The following ADGRL3 variants were observed in gnomAD, a reference collection of about 807,000 sequenced individuals.
ADGRL3 encodes the protein calcium-independent alpha-latrotoxin receptor 3.
Under a neutral mutation model 153.5 loss-of-function variants are expected in ADGRL3, and 62 were observed. The ratio of observed to expected loss-of-function variants is 0.40; its 90% CI spans 0.33 to 0.50. ADGRL3 has a LOEUF of 0.50. ADGRL3 is among the 20% of genes least tolerant of loss of function. The probability of loss-of-function intolerance (pLI) is 0.47; values close to 1 mark genes in which losing one functional copy is unlikely to be tolerated. For missense variants in ADGRL3, 1,641 were observed against 1,859.4 expected (o/e 0.88, Z 2.16); for synonymous variants, 710 against 672.5 (o/e 1.06, Z -0.86).
At chr4:61,914,382 A>C (rs2098735939) in intron 13 of ADGRL3, among the ~76,000 whole-genome samples, 1 of 152,114 alleles carries the variant, frequency 6.6e-6, no homozygotes, top group African/African-American at 2.4e-5. Flanking sequence ...CAAACATACA[A>C]ATTTATTTTA....
chr4:61,990,087 T>G (rs926696354), intron 19 of ADGRL3, among the ~76,000 whole-genome samples: 6 of 152,048 alleles, frequency 3.9e-5, no homozygotes. Context: ...TTAAAACTTG[T>G]ATGCAAGAGT....
intron 8 of ADGRL3, among the ~76,000 whole-genome samples, chr4:61,788,715 G>A (rs555221013): frequency 1.1e-3 from 173 of 152,286 alleles, no homozygotes; most frequent in Non-Finnish European, 2.0e-3. Flanking sequence ...AAAGAATTTA[G>A]GAGGCTGATT....
intron 2 of ADGRL3, among the ~76,000 whole-genome samples, chr4:61,418,572 G>A (rs2097169790): frequency 6.6e-6 from 1 of 150,648 alleles, no homozygotes; most frequent in Non-Finnish European, 1.5e-5. Context: ...CTCACTAAGA[G>A]CTTTGTTCTT....
At chr4:61,549,587 T>A (rs1387824058) in intron 4 of ADGRL3, among the ~76,000 whole-genome samples, 1 of 151,624 alleles carries the variant, frequency 6.6e-6, no homozygotes, top group Non-Finnish European at 1.5e-5. Context: ...CTATTTCAAT[T>A]CTCTGTGGAA....
chr4:61,785,194 A>G (rs1049094345), intron 8 of ADGRL3, among the ~76,000 whole-genome samples: 2 of 152,190 alleles, frequency 1.3e-5, no homozygotes, highest in Non-Finnish European at 2.9e-5. Flanking sequence ...GAAGCTTTGG[A>G]AGAGAAAGTA....
rs1255770494 is a variant in ADGRL3 at position 61,801,871 on chromosome 4, G to A, written c.1400-11938G>A. Among the ~76,000 whole-genome samples, 12 of 152,178 alleles carry A rather than the reference G, an allele frequency of 7.9e-5. No individual in the cohort carries two copies. The South Asian group carries it at 2.5e-3, about 32-fold the overall frequency. ...AATGAATATGCTCCTTAATGCTTTAGTAATTTCATGTTCTCTGCATATATG... is the reference window on the plus strand; with the variant it reads ...AATGAATATGCTCCTTAATGCTTTAATAATTTCATGTTCTCTGCATATATG... On this transcript the variant is annotated intron_variant, in intron 8 of 26. Coordinates refer to ENST00000683033, the MANE Select transcript of ADGRL3 (RefSeq NM_001387552.1).
intron 1 of ADGRL3, among the ~76,000 whole-genome samples, chr4:61,253,704 CACACACACAT>C: frequency 7.1e-6 from 1 of 141,452 alleles, no homozygotes; most frequent in East Asian, 2.2e-4. Context: ...CACACACACA[CACACACACAT>C]ATATACATAT....
At chr4:61,786,188 G>T (rs989024957) in intron 8 of ADGRL3, among the ~76,000 whole-genome samples, 1 of 152,134 alleles carries the variant, frequency 6.6e-6, no homozygotes, top group African/African-American at 2.4e-5. Context: ...TTCAATGTTG[G>T]TTTGATGGCT....
chr4:61,345,939 C>T (rs888096596), intron 1 of ADGRL3, among the ~76,000 whole-genome samples: 2 of 152,058 alleles, frequency 1.3e-5, no homozygotes, highest in Non-Finnish European at 2.9e-5. Context: ...GTTGGGGTGA[C>T]GTGGGTTAGG....
At chr4:61,881,846 T>A (rs2098510551) in intron 9 of ADGRL3, among the ~76,000 whole-genome samples, 1 of 152,178 alleles carries the variant, frequency 6.6e-6, no homozygotes, top group African/African-American at 2.4e-5. Flanking sequence ...AGTAACTAGG[T>A]GACAATGATG....
At chr4:61,888,793 G>GT (rs1293051443) in intron 9 of ADGRL3, among the ~76,000 whole-genome samples, 1 of 152,120 alleles carries the variant, frequency 6.6e-6, no homozygotes, top group African/African-American at 2.4e-5. Flanking sequence ...ACAAATTGAA[G>GT]TTTTTTAAAA....
intron 5 of ADGRL3, among the ~76,000 whole-genome samples, chr4:61,653,384 C>T (rs1224548208): frequency 6.6e-6 from 1 of 152,146 alleles, no homozygotes; most frequent in Non-Finnish European, 1.5e-5. Flanking sequence ...GCAGCCTGAA[C>T]TGACTAAAAT....
intron 9 of ADGRL3, among the ~76,000 whole-genome samples, chr4:61,875,760 T>G (rs1240930035): frequency 3.3e-5 from 5 of 152,226 alleles, no homozygotes; most frequent in African/African-American, 1.2e-4. Flanking sequence ...CAGATACTAT[T>G]TTATCTATTT....
In ADGRL3 at chr4:61,753,902, G is replaced by A. The variant is rs760504992; in HGVS notation, c.1399+20348G>A. Among the ~76,000 whole-genome samples, 47 of 152,214 alleles carry A rather than the reference G, an allele frequency of 3.1e-4. No homozygotes were observed. The Middle Eastern group carries it at 0.01, about 33-fold the overall frequency. Reference sequence around the variant, plus strand: ...AATCTCAGATTAGACTTTTAAAAGCGCCTGGAGGCTAGGATACCAAGCCAA... The same window carrying A: ...AATCTCAGATTAGACTTTTAAAAGCACCTGGAGGCTAGGATACCAAGCCAA... On this transcript the variant is annotated intron_variant, in intron 8 of 26. Transcript: ENST00000683033.
At chr4:62,023,158 C>G (rs1041837130) in intron 21 of ADGRL3, among the ~76,000 whole-genome samples, 4 of 152,060 alleles carry the variant, frequency 2.6e-5, no homozygotes, top group African/African-American at 9.7e-5. Flanking sequence ...GAGTCCAACC[C>G]TTGTGGGTGA....
At chr4:61,695,970 C>T (rs1483953984) in intron 6 of ADGRL3, among the ~76,000 whole-genome samples, 1 of 152,156 alleles carries the variant, frequency 6.6e-6, no homozygotes, top group Non-Finnish European at 1.5e-5. Context: ...CCTCTCTCAG[C>T]CTTCACAGAA....
At chr4:61,701,565 G>T (rs781079809) in intron 6 of ADGRL3, among the ~76,000 whole-genome samples, 2 of 150,210 alleles carry the variant, frequency 1.3e-5, no homozygotes, top group Non-Finnish European at 2.9e-5. Flanking sequence ...CTCCCAAGTA[G>T]CTGGGACTAG....
At chr4:61,601,834 G>C (rs1047985232) in intron 5 of ADGRL3, among the ~76,000 whole-genome samples, 1 of 152,124 alleles carries the variant, frequency 6.6e-6, no homozygotes, top group Non-Finnish European at 1.5e-5. Context: ...TGGGTAAGTG[G>C]AAGCACTATC....
chr4:62,015,961 T>C (rs1473788636), intron 21 of ADGRL3, among the ~76,000 whole-genome samples: 2 of 151,978 alleles, frequency 1.3e-5, no homozygotes, highest in African/African-American at 4.8e-5. Flanking sequence ...GCTTTCAAAG[T>C]CTTTTAACTG....
Sources: allele counts gnomAD v4.1 joint callset (sites outside exome capture counted in the v4.1 genomes callset), GRCh38; gene constraint gnomAD v4.1.1; transcripts MANE v1.5; gene names NCBI Gene and HGNC (gene_info 2026-07-23, HGNC 2026-07-21).